The following SCAPER variants were observed in gnomAD, a reference collection of about 807,000 sequenced individuals.
SCAPER encodes the protein S phase cyclin A-associated protein in the endoplasmic reticulum.
A neutral mutation model predicts 182.2 loss-of-function variants in SCAPER; 98 were observed. The ratio of observed to expected loss-of-function variants is 0.54; its 90% CI spans 0.46 to 0.64. SCAPER has a LOEUF of 0.64. Ranked by LOEUF, SCAPER falls within the 30% of genes least tolerant of loss-of-function variation. The probability of loss-of-function intolerance (pLI) is 0.00; values close to 1 mark genes in which losing one functional copy is unlikely to be tolerated. For synonymous variants in SCAPER, 605 were observed against 564.6 expected (o/e 1.07, Z -1.01); for missense variants, 1,432 against 1,690.0 (o/e 0.85, Z 2.68).
chr15:76,820,653 T>C (rs2067467250), intron 5 of SCAPER, among the ~76,000 whole-genome samples: 2 of 150,936 alleles, frequency 1.3e-5, no homozygotes, highest in Admixed American at 6.6e-5. Flanking sequence ...GACAAGTTAA[T>C]GGGTGCAGCA....
rs766140383 is a variant in SCAPER at position 76,795,349 on chromosome 15, C to G, written c.703G>C (p.Ala235Pro). The G allele has an allele frequency of 6.8e-6, 11 of 1,613,156 alleles. No homozygotes were observed. The Admixed American group carries it at 1.2e-4, about 17-fold the overall frequency. Reference sequence around the variant, plus strand: ...TGGGCGGGTGTTATTTCTGAAGAAGCAGTAGAGCCTGTATGATGAGCCTTT... The same window carrying G: ...TGGGCGGGTGTTATTTCTGAAGAAGGAGTAGAGCCTGTATGATGAGCCTTT... Reference protein sequence around the residue: ...KVKAHHTGSTASSEITPAQSC... With the variant: ...KVKAHHTGSTPSSEITPAQSC... The change falls in exon 8 of 32, where the codon GCT becomes CCT. Residue 235 changes from alanine (A) to proline (P), a missense_variant. Physicochemically the swap from Ala to Pro is conservative, Grantham distance 27. Coordinates refer to ENST00000563290, the MANE Select transcript of SCAPER (RefSeq NM_020843.4).
chr15:76,424,819 A>T (rs566588495), intron 26 of SCAPER, among the ~76,000 whole-genome samples: 1 of 152,304 alleles, frequency 6.6e-6, no homozygotes, highest in South Asian at 2.1e-4. Flanking sequence ...CCTGGTGGTG[A>T]CAAAATCGCT....
chr15:76,694,168 T>C (rs1216858144), intron 20 of SCAPER, among the ~76,000 whole-genome samples: 3 of 152,062 alleles, frequency 2.0e-5, no homozygotes, highest in African/African-American at 7.2e-5. Context: ...ATTGAATCTA[T>C]AGATTGCTTT....
intron 4 of SCAPER, among the ~76,000 whole-genome samples, chr15:76,849,614 A>G (rs1485366500): frequency 2.0e-5 from 3 of 152,230 alleles, no homozygotes; most frequent in Non-Finnish European, 4.4e-5. Flanking sequence ...ACACTTTGAC[A>G]GCATTGAGAG....
At chr15:76,378,803 G>A (rs1021058654) in intron 28 of SCAPER, among the ~76,000 whole-genome samples, 4 of 152,146 alleles carry the variant, frequency 2.6e-5, no homozygotes, top group Admixed American at 1.3e-4. Flanking sequence ...ACTCAGAATC[G>A]AGACACCATA....
intron 29 of SCAPER, among the ~76,000 whole-genome samples, chr15:76,366,431 C>T (rs1228798249): frequency 2.0e-5 from 3 of 152,320 alleles, no homozygotes; most frequent in East Asian, 3.9e-4. Context: ...TAGTCTATGA[C>T]AATTTTATTT....
At chr15:76,535,923 T>C (rs1189799321) in intron 23 of SCAPER, among the ~76,000 whole-genome samples, 2 of 152,200 alleles carry the variant, frequency 1.3e-5, no homozygotes, top group African/African-American at 4.8e-5. Flanking sequence ...ATTATCCCAT[T>C]TGCTTAAATG....
Position 76,368,710 on chromosome 15 carries a change from C to T in SCAPER, c.3855+7452G>A, listed in dbSNP as rs1329623373. Reference sequence around the variant, plus strand: ...TCAGGGATCACAAGAAACTCCAACTCTGATAGCTGCAATCTATGGGGCCTT... The same window carrying T: ...TCAGGGATCACAAGAAACTCCAACTTTGATAGCTGCAATCTATGGGGCCTT... On this transcript the variant is annotated intron_variant, in intron 29 of 31. Coordinates refer to ENST00000563290, the MANE Select transcript of SCAPER (RefSeq NM_020843.4). Among the ~76,000 whole-genome samples, 9 of 152,224 alleles carry T rather than the reference C, an allele frequency of 5.9e-5. No homozygotes were observed. In the South Asian group the frequency reaches 1.2e-3, roughly 21 times the overall value.
At chr15:76,623,685 C>A (rs541230338) in intron 21 of SCAPER, among the ~76,000 whole-genome samples, 1 of 152,234 alleles carries the variant, frequency 6.6e-6, no homozygotes, top group East Asian at 1.9e-4. Context: ...TAATGTGATG[C>A]CTCCCATTTT....
rs1021964790 is a variant in SCAPER at position 76,348,574 on chromosome 15, T to A, written c.*59A>T. Reference sequence around the variant, plus strand: ...AGTTCTTAAGGAACAATTAGAATGTTTGTTTGGACAATTTAAAATATTAAC... The same window carrying A: ...AGTTCTTAAGGAACAATTAGAATGTATGTTTGGACAATTTAAAATATTAAC... On this transcript the variant is annotated 3_prime_UTR_variant, in exon 32 of 32. Coordinates refer to ENST00000563290, the MANE Select transcript of SCAPER (RefSeq NM_020843.4). 3.4e-6 allele frequency: 4 copies of A among 1,179,850 alleles called. No homozygotes were observed. The highest frequency in any genetic ancestry group is 4.8e-6 in the Non-Finnish European group (4 of 832,030). The allele number at this position is 1,179,850 out of a possible 1,614,324, so 73.1% of individuals were successfully genotyped here. A position where few individuals can be genotyped will look rare whatever the true frequency, so the allele number is the denominator to read the frequency against.
At chr15:76,458,219 TAC>T (rs373650498) in intron 25 of SCAPER, among the ~76,000 whole-genome samples, 1 of 151,594 alleles carries the variant, frequency 6.6e-6, no homozygotes, top group African/African-American at 2.4e-5. Context: ...TAGATATATA[TAC>T]ACACACACAC....
intron 15 of SCAPER, among the ~76,000 whole-genome samples, chr15:76,753,083 G>A (rs2062193077): frequency 6.6e-6 from 1 of 151,580 alleles, no homozygotes; most frequent in Admixed American, 6.6e-5. Flanking sequence ...TGAACCTATT[G>A]TAAGATGCTA....
chr15:76,818,090 T>C (rs1334260264), intron 5 of SCAPER, among the ~76,000 whole-genome samples: 2 of 152,130 alleles, frequency 1.3e-5, no homozygotes, highest in African/African-American at 4.8e-5. Context: ...GGTACTAGGA[T>C]AAAAGACCAA....
chr15:76,444,115 C>T (rs533778408), intron 25 of SCAPER, among the ~76,000 whole-genome samples: 2 of 152,324 alleles, frequency 1.3e-5, no homozygotes, highest in East Asian at 3.9e-4. Flanking sequence ...CACAGCAATA[C>T]TCCTGCTTAT....
chr15:76,652,058 T>G (rs1020939249), intron 21 of SCAPER, among the ~76,000 whole-genome samples: 1 of 150,410 alleles, frequency 6.6e-6, no homozygotes, highest in Admixed American at 6.7e-5. Flanking sequence ...TGGAAGCATT[T>G]GATAAAATCC....
chr15:76,864,558 T>A (rs10519151), intron 2 of SCAPER, among the ~76,000 whole-genome samples: 10,194 of 152,172 alleles, frequency 0.067, 378 homozygotes, highest in Middle Eastern at 0.11. Context: ...GGGGAATATG[T>A]GAAGAAAAAG....
chr15:76,877,874 T>C (rs1269987262), intron 2 of SCAPER, among the ~76,000 whole-genome samples: 4 of 152,210 alleles, frequency 2.6e-5, no homozygotes, highest in African/African-American at 9.6e-5. Context: ...CTGTGTATTA[T>C]ATAATAATAC....
At chr15:76,847,209 TA>T (rs2151807829) in intron 4 of SCAPER, among the ~76,000 whole-genome samples, 1 of 151,096 alleles carries the variant, frequency 6.6e-6, no homozygotes, top group South Asian at 2.1e-4. Context: ...AGCAGGGGAG[TA>T]GGGGGGAAGT....
intron 7 of SCAPER, among the ~76,000 whole-genome samples, chr15:76,798,438 C>T (rs1283538897): frequency 6.9e-6 from 1 of 145,682 alleles, no homozygotes; most frequent in African/African-American, 2.5e-5. Flanking sequence ...AGAGTACAAA[C>T]GTGTACAGTG....
Sources: gnomAD v4.1 joint callset for allele counts (sites outside exome capture counted in the v4.1 genomes callset) on GRCh38, gnomAD v4.1.1 for gene constraint, MANE v1.5 for transcripts, NCBI Gene and HGNC (gene_info 2026-07-23, HGNC 2026-07-21) for gene names.